SENP1: variants seen among roughly 807,000 people sequenced by gnomAD.
SENP1 encodes sentrin-specific protease 1.
SENP1 carries 21 observed loss-of-function variants against 93.0 expected under a neutral mutation model. The observed-to-expected ratio is 0.23, with a 90% confidence interval of 0.16 to 0.33. The LOEUF (loss-of-function observed/expected upper bound fraction) is 0.33. SENP1 is among the 10% of genes least tolerant of loss of function. The pLI, the probability that SENP1 is intolerant of heterozygous loss-of-function variation, is 1.00. For missense variants in SENP1, 591 were observed against 758.7 expected (o/e 0.78, Z 2.60); for synonymous variants, 256 against 259.6 (o/e 0.99, Z 0.13).
chr12:48,048,196 G>A (rs188552565), intron 14 of SENP1, 116 bp from the exon 15 acceptor site: 1 of 660,016 alleles, frequency 1.5e-6, no homozygotes, highest in East Asian at 2.7e-5. Context: ...ATCATGACAA[G>A]TTTGACTGAT....
chr12:48,059,062 C>G (rs1339641489), intron 13 of SENP1, among the ~76,000 whole-genome samples: 1 of 152,140 alleles, frequency 6.6e-6, no homozygotes, highest in African/African-American at 2.4e-5. Context: ...CACCAGTTTT[C>G]AACAACTTGA....
Position 48,083,727 on chromosome 12 carries a change from T to C in SENP1, c.416A>G (p.His139Arg), listed in dbSNP as rs746631332. Residue 139 changes from histidine (H) to arginine (R), a missense_variant, in exon 6 of 18, where the codon CAT (histidine) becomes CGT (arginine). Around this residue, in one of 4 missense-constraint regions of SENP1, gnomAD observed 214 missense variants for 243.4 expected, o/e 0.88. Transcript: ENST00000549518. ...TTCATATGCAGATACATGGCAGTGA[T>C]GGTTTGACTTTCCCGCAAAACTGTT... Reference protein sequence around the residue: ...LSNSFAGKSNHHCHVSAYEKS... With the variant: ...LSNSFAGKSNRHCHVSAYEKS... 1 of 1,611,684 alleles carries C rather than the reference T, an allele frequency of 6.2e-7. No homozygotes were observed. Among genetic ancestry groups the C allele is most frequent in the Non-Finnish European group, 8.5e-7 (1 of 1,179,178 alleles).
intron 13 of SENP1, among the ~76,000 whole-genome samples, chr12:48,051,082 G>GGA (rs562074941): frequency 7.6e-6 from 1 of 131,666 alleles, no homozygotes; most frequent in East Asian, 2.1e-4. Flanking sequence ...AGTCTGAAGT[G>GGA]AAAAAAAAAA....
chr12:48,063,666 A>G, intron 13 of SENP1, 44 bp downstream of exon 13: 4 of 1,584,260 alleles, frequency 2.5e-6, no homozygotes, highest in Non-Finnish European at 3.4e-6. Context: ...TTTAACTGCC[A>G]CTTAATGTTT....
chr12:48,098,220 C>G (rs1263120810), intron 2 of SENP1, 96 bp from the exon 3 acceptor site: 10 of 1,286,680 alleles, frequency 7.8e-6, no homozygotes, highest in Non-Finnish European at 1.1e-6. Flanking sequence ...CAATTCCCAC[C>G]CAGGCATGGT....
In SENP1 at chr12:48,083,694, A is replaced by G; in HGVS notation, c.449T>C (p.Phe150Ser). Residue 150 changes from phenylalanine to serine, a missense_variant, in exon 6 of 18, where the codon TTT becomes TCT. This residue lies in a region of SENP1 where 214 missense variants were observed against 243.4 expected (regional missense o/e 0.88). Transcript: ENST00000549518. Reference sequence around the variant, plus strand: ...TGGACTTGGAACAGGTTTAATAGGAAAAGATTTTTCATATGCAGATACATG... The same window carrying G: ...TGGACTTGGAACAGGTTTAATAGGAGAAGATTTTTCATATGCAGATACATG... ...HCHVSAYEKS[F>S]PIKPVPSPSW... The G allele has an allele frequency of 6.2e-7, 1 of 1,613,484 alleles. No homozygotes were observed. The highest frequency in any genetic ancestry group is 8.5e-7 in the Non-Finnish European group (1 of 1,179,606).
chr12:48,080,543 TC>T (rs1944428481), intron 6 of SENP1: 3 of 152,344 alleles, frequency 2.0e-5, no homozygotes, highest in Admixed American at 2.0e-4. Context: ...TAATACATCT[TC>T]CTTTAACATA....
intron 5 of SENP1, 42 bp from the exon 6 acceptor site, chr12:48,083,804 G>C (rs1216073579): frequency 7.1e-7 from 1 of 1,410,830 alleles, no homozygotes; most frequent in Non-Finnish European, 9.7e-7. Flanking sequence ...CAGATAATAA[G>C]TAAAATAAAT....
chr12:48,099,874 C>G (rs1332288276), intron 2 of SENP1, among the ~76,000 whole-genome samples: 2 of 152,158 alleles, frequency 1.3e-5, no homozygotes, highest in African/African-American at 4.8e-5. Flanking sequence ...TTGCTCTTAA[C>G]AGGTATCAGC....
chr12:48,067,407 C>T (rs1380849503), intron 9 of SENP1, among the ~76,000 whole-genome samples: 2 of 152,206 alleles, frequency 1.3e-5, no homozygotes, highest in Non-Finnish European at 2.9e-5. Flanking sequence ...TGAGCCAAAG[C>T]AGAGAATCAG....
chr12:48,083,725 G>A lies in SENP1; in HGVS notation c.418C>T (p.His140Tyr). Residue 140 changes from histidine to tyrosine, a missense_variant, in exon 6 of 18, where the codon CAC becomes TAC. Transcript: ENST00000549518. The stretch of plus-strand genomic sequence containing the variant: ...TTTTCATATGCAGATACATGGCAGT[G>A]ATGGTTTGACTTTCCCGCAAAACTG... ...SNSFAGKSNH[H>Y]CHVSAYEKSF... 1 of 1,612,486 alleles carries A rather than the reference G, an allele frequency of 6.2e-7. No individual in the cohort carries two copies. The highest frequency in any genetic ancestry group is 8.5e-7 in the Non-Finnish European group (1 of 1,179,354).
At chr12:48,057,941 CT>C (rs370210767) in intron 13 of SENP1, among the ~76,000 whole-genome samples, 519 of 85,674 alleles carry the variant, frequency 6.1e-3, no homozygotes, top group Middle Eastern at 9.1e-3. Context: ...TTTATTTCCT[CT>C]TTTTTTTTTT....
intron 13 of SENP1, 65 bp downstream of exon 13, chr12:48,063,645 T>C: frequency 1.3e-6 from 2 of 1,523,970 alleles, no homozygotes; most frequent in Non-Finnish European, 1.8e-6. Flanking sequence ...AAAAGTGAGA[T>C]AATGCCTTAA....
At chr12:48,050,267 A>G (rs1360086141) in intron 13 of SENP1, among the ~76,000 whole-genome samples, 1 of 152,242 alleles carries the variant, frequency 6.6e-6, no homozygotes, top group Non-Finnish European at 1.5e-5. Context: ...AAATATTTAC[A>G]CACCAGGATG....
intron 9 of SENP1, among the ~76,000 whole-genome samples, chr12:48,067,228 T>TTG (rs2136980045): frequency 6.6e-6 from 1 of 152,344 alleles, no homozygotes; most frequent in Non-Finnish European, 1.5e-5. Context: ...GATACTACAT[T>TTG]TGGCATAGCT....
intron 6 of SENP1, among the ~76,000 whole-genome samples, chr12:48,081,855 T>G (rs1944513900): frequency 6.6e-6 from 1 of 151,858 alleles, no homozygotes. Flanking sequence ...TGAGCCACCA[T>G]GCCCAGCCAA....
At chr12:48,101,142 C>T (rs1350569596) in intron 2 of SENP1, among the ~76,000 whole-genome samples, 1 of 152,012 alleles carries the variant, frequency 6.6e-6, no homozygotes, top group Non-Finnish European at 1.5e-5. Context: ...GAAAATCAGC[C>T]GGACGTGGTG....
chr12:48,076,933 C>T (rs559115433), intron 6 of SENP1, among the ~76,000 whole-genome samples: 2 of 152,310 alleles, frequency 1.3e-5, no homozygotes, highest in Admixed American at 6.5e-5. Flanking sequence ...GCGTGAGCCA[C>T]GGCGCCCAGC....
intron 13 of SENP1, among the ~76,000 whole-genome samples, chr12:48,057,674 G>C (rs189701664): frequency 6.7e-6 from 1 of 150,158 alleles, no homozygotes; most frequent in Non-Finnish European, 1.5e-5. Context: ...ACAGTGGCGC[G>C]ATCTCAGCTC....
Sources: gnomAD v4.1 joint callset for allele counts (sites outside exome capture counted in the v4.1 genomes callset) on GRCh38, gnomAD v4.1.1 for gene constraint, gnomAD v4.1.1 regional missense constraint, MANE v1.5 for transcripts, NCBI Gene and HGNC (gene_info 2026-07-23, HGNC 2026-07-21) for gene names.